Variants in DSC3 observed in about 807,000 individuals in gnomAD.
DSC3 encodes the protein desmocollin 3.
A neutral mutation model predicts 89.5 loss-of-function variants in DSC3; 97 were observed. That is an observed-to-expected ratio of 1.08 (90% CI 0.92 to 1.28). The LOEUF (loss-of-function observed/expected upper bound fraction) is 1.28. Ranked by LOEUF, DSC3 falls within the 50% of genes most tolerant of loss-of-function variation. The pLI, the probability that DSC3 is intolerant of heterozygous loss-of-function variation, is 0.00. For synonymous variants in DSC3, 436 were observed against 384.1 expected (o/e 1.14, Z -1.58); for missense variants, 1,199 against 1,085.3 (o/e 1.10, Z -1.47).
intron 4 of DSC3, among the ~76,000 whole-genome samples, chr18:31,027,142 A>G (rs139278875): frequency 5.5e-4 from 83 of 152,272 alleles, no homozygotes; most frequent in Middle Eastern, 6.8e-3. Context: ...GGCTAAATTG[A>G]AGCTCAATAT....
chr18:31,017,558 A>G (rs1414826805), intron 9 of DSC3, among the ~76,000 whole-genome samples: 1 of 152,192 alleles, frequency 6.6e-6, no homozygotes, highest in Non-Finnish European at 1.5e-5. Context: ...TCACCTTTAA[A>G]AGGATCAGAT....
chr18:30,994,386 T>TA lies in DSC3; in HGVS notation c.2494-15dup, dbSNP rs1200898371. The TA allele has an allele frequency of 6.2e-7, 1 of 1,612,420 alleles. No homozygotes were observed. Among genetic ancestry groups the TA allele is most frequent in the Non-Finnish European group, 8.5e-7 (1 of 1,178,962 alleles). ...TCGATGCAATTTCTGTAAAATTTTTTAAAAAATGAATTGCATTATAGTTTT... is the reference window on the plus strand; with the variant it reads ...TCGATGCAATTTCTGTAAAATTTTTTAAAAAAATGAATTGCATTATAGTTTT... On this transcript the variant is annotated splice_polypyrimidine_tract_variant and intron_variant, in intron 15 of 15. Transcript: ENST00000360428.
At position 31,030,967 on chromosome 18, in the gene DSC3, A is replaced by G. The variant is rs1391819185; in HGVS notation, c.354+6T>C. The G allele has an allele frequency of 1.2e-6, 2 of 1,611,836 alleles. No individual in the cohort carries two copies. The highest frequency in any genetic ancestry group is 1.7e-6 in the Non-Finnish European group (2 of 1,178,138). On this transcript the variant is annotated splice_donor_region_variant and intron_variant, in intron 3 of 15. Transcript: ENST00000360428. The stretch of plus-strand genomic sequence containing the variant: ...TGACTGAAAATATTTAATGTACTTT[A>G]AATACCTTCTTCTGATGTTCTAGCA...
intron 11 of DSC3, 92 bp from the exon 12 acceptor site, chr18:31,007,223 T>A: frequency 1.2e-6 from 1 of 831,924 alleles, no homozygotes; most frequent in Non-Finnish European, 1.9e-6. Context: ...ATACATGATC[T>A]GTTTTTAAAT....
chr18:30,992,165 C>CAA lies in DSC3; in HGVS notation c.*2008_*2009dup, dbSNP rs1276455778. The CAA allele has an allele frequency of 1.6e-4, 3 of 18,862 alleles. No individual in the cohort carries two copies. Among genetic ancestry groups the CAA allele is most frequent in the African/African-American group, 9.8e-4 (3 of 3,060 alleles). 1.2% of individuals were successfully genotyped at this position (18,862 alleles called of 1,614,324 possible). ...TGTGCGTCAGAGCGAGACTCCGTCT[C>CAA]AAAAAAAAAAGGGGGGGGGGGGGGC... is the stretch of plus-strand genomic sequence containing the variant. On this transcript the variant is annotated 3_prime_UTR_variant, in exon 16 of 16. Coordinates refer to ENST00000360428, the MANE Select transcript of DSC3 (RefSeq NM_001941.5).
chr18:30,993,193 A>G lies in DSC3; in HGVS notation c.*982T>C, dbSNP rs1333881121. On this transcript the variant is annotated 3_prime_UTR_variant, in exon 16 of 16. Transcript: ENST00000360428. Reference sequence around the variant, plus strand: ...TAAGTTTTAAAATGTTTTTGTTATTAGCTCCCCGAAAAAAACACCTCATCT... The same window carrying G: ...TAAGTTTTAAAATGTTTTTGTTATTGGCTCCCCGAAAAAAACACCTCATCT... 2.6e-5 allele frequency: 4 copies of G among 152,166 alleles called. No homozygotes were observed. Among genetic ancestry groups the G allele is most frequent in the African/African-American group, 9.7e-5 (4 of 41,438 alleles). The allele number at this position is 152,166 out of a possible 1,614,324, so 9.4% of individuals were successfully genotyped here.
intron 12 of DSC3, among the ~76,000 whole-genome samples, chr18:31,005,723 A>T (rs999640296): frequency 2.0e-5 from 3 of 152,206 alleles, no homozygotes; most frequent in Non-Finnish European, 4.4e-5. Flanking sequence ...TGAATTGCAA[A>T]CATTCTAGGA....
Position 31,004,212 on chromosome 18 carries a change from T to C in DSC3, c.2043A>G (p.Ser681=), listed in dbSNP as rs1486242949. Residue 681 remains serine, a synonymous_variant, in exon 13 of 16, where the codon TCA becomes TCG. Coordinates refer to ENST00000360428, the MANE Select transcript of DSC3 (RefSeq NM_001941.5). ...TTCCAAGTATTACTCCTGTACTCCT[T>C]GAAGTCGCACGACACTGAGTTGGAT... ...CTHPTQCRAT[S]RSTGVILGKW... 4 of 1,613,906 alleles carry C rather than the reference T, an allele frequency of 2.5e-6. No homozygotes were observed. Among genetic ancestry groups the C allele is most frequent in the Non-Finnish European group, 3.4e-6 (4 of 1,179,934 alleles).
At chr18:31,021,558 C>G (rs1318196486) in intron 7 of DSC3, among the ~76,000 whole-genome samples, 1 of 152,152 alleles carries the variant, frequency 6.6e-6, no homozygotes, top group African/African-American at 2.4e-5. Context: ...GTCATATTGA[C>G]TCTTCTATAT....
intron 2 of DSC3, among the ~76,000 whole-genome samples, chr18:31,031,433 A>G (rs1431272210): frequency 6.7e-6 from 1 of 150,264 alleles, no homozygotes; most frequent in African/African-American, 2.4e-5. Flanking sequence ...GACTTATGAA[A>G]ATGACCTTCC....
At chr18:31,024,621 G>T in intron 5 of DSC3, 128 bp from the exon 6 acceptor site, 1 of 1,017,960 alleles carries the variant, frequency 9.8e-7, no homozygotes, top group Non-Finnish European at 1.4e-6. Context: ...TTTATCCACT[G>T]TGTTTTTAAT....
chr18:31,014,542 C>G (rs1161590241), intron 9 of DSC3, among the ~76,000 whole-genome samples: 1 of 151,736 alleles, frequency 6.6e-6, no homozygotes, highest in East Asian at 1.9e-4. Context: ...AAATTACTGG[C>G]CTTATTAATA....
At chr18:31,003,153 C>A (rs1042099953) in intron 13 of DSC3, among the ~76,000 whole-genome samples, 1 of 152,178 alleles carries the variant, frequency 6.6e-6, no homozygotes, top group Admixed American at 6.5e-5. Flanking sequence ...TAAAAATAAT[C>A]TTCTCAGACC....
intron 7 of DSC3, among the ~76,000 whole-genome samples, chr18:31,021,059 T>G (rs1006445112): frequency 2.0e-5 from 3 of 151,570 alleles, no homozygotes; most frequent in East Asian, 1.9e-4. Context: ...ATTCACTGTT[T>G]TTTTTTTTTA....
chr18:31,013,604 C>A (rs1200099194), intron 9 of DSC3, among the ~76,000 whole-genome samples: 1 of 152,038 alleles, frequency 6.6e-6, no homozygotes, highest in Non-Finnish European at 1.5e-5. Context: ...AAGAGCAAAA[C>A]ATAGAAAGCT....
chr18:30,992,877 G>A lies in DSC3; in HGVS notation c.*1298C>T, dbSNP rs544990572. 2 of 152,364 alleles carry A rather than the reference G, an allele frequency of 1.3e-5. No individual in the cohort carries two copies. The highest frequency in any genetic ancestry group is 3.9e-4 in the East Asian group (2 of 5,184). 9.4% of individuals were successfully genotyped at this position (152,364 alleles called of 1,614,324 possible). A position where few individuals can be genotyped will look rare whatever the true frequency, so the allele number is the denominator to read the frequency against. On this transcript the variant is annotated 3_prime_UTR_variant, in exon 16 of 16. Transcript: ENST00000360428. The stretch of plus-strand genomic sequence containing the variant: ...GCTTTAGCAGAAAGCCGAAAGAAGG[G>A]GGCCCACAAGGCCTGGCTTTCCTTG...
intron 9 of DSC3, among the ~76,000 whole-genome samples, chr18:31,011,248 T>C (rs559778222): frequency 6.6e-6 from 1 of 152,338 alleles, no homozygotes; most frequent in South Asian, 2.1e-4. Context: ...CAGCATAAAA[T>C]AAGGCTTTAC....
At chr18:31,032,801 T>G (rs1290006944) in intron 1 of DSC3, among the ~76,000 whole-genome samples, 1 of 152,070 alleles carries the variant, frequency 6.6e-6, no homozygotes, top group Non-Finnish European at 1.5e-5. Context: ...TCACCATGCT[T>G]CTATTTAACA....
chr18:31,018,382 C>T (rs548690954), intron 8 of DSC3, 126 bp from the exon 9 acceptor site: 42 of 787,756 alleles, frequency 5.3e-5, no homozygotes, highest in East Asian at 1.4e-4. Context: ...AACTATGAAT[C>T]GTAAACACTA....
Sources: allele counts gnomAD v4.1 joint callset (sites outside exome capture counted in the v4.1 genomes callset), GRCh38; gene constraint gnomAD v4.1.1; transcripts MANE v1.5; gene names NCBI Gene and HGNC (gene_info 2026-07-23, HGNC 2026-07-21).